SERPINF2: variants seen among roughly 807,000 people sequenced by gnomAD.
The protein encoded by SERPINF2 is serpin family F member 2, also known as alpha-2-antiplasmin.
In SERPINF2, 15 loss-of-function variants were observed where a neutral mutation model predicts 45.0. The observed-to-expected ratio is 0.33, with a 90% confidence interval of 0.22 to 0.51. The LOEUF is 0.51. Ranked by LOEUF, SERPINF2 falls within the 20% of genes least tolerant of loss-of-function variation. SERPINF2 has a pLI of 0.97. For missense variants in SERPINF2, 518 were observed against 637.4 expected (o/e 0.81, Z 2.02); for synonymous variants, 283 against 277.9 (o/e 1.02, Z -0.18).
At chr17:1,746,482 A>G (rs1265191883) in intron 5 of SERPINF2, among the ~76,000 whole-genome samples, 1 of 145,834 alleles carries the variant, frequency 6.9e-6, no homozygotes, top group Non-Finnish European at 1.5e-5. Context: ...GCTAGAGTGC[A>G]GTGGTGTGAT....
rs1352725855 is a variant in SERPINF2, at chr17:1,745,386, G to A, written c.156G>A (p.Leu52=). ...EQVSPLTLLK[L]GNQEPGGQTA... ...TGTCCCCACTTACCCTCCTCAAGTTGGGCAACCAGGTACAACCAGGTGGGG... is the reference window on the plus strand; with the variant it reads ...TGTCCCCACTTACCCTCCTCAAGTTAGGCAACCAGGTACAACCAGGTGGGG... The change falls in exon 4 of 10, where the codon TTG becomes TTA. Residue 52 remains leucine (L), a synonymous_variant. Coordinates refer to ENST00000453066, the MANE Select transcript of SERPINF2 (RefSeq NM_000934.4). The surrounding 1 kb of genome is among the most constrained non-coding windows in gnomAD (Gnocchi z 6.2). 1.9e-6 allele frequency: 3 copies of A among 1,612,524 alleles called. No homozygotes were observed. Among genetic ancestry groups the A allele is most frequent in the South Asian group, 1.1e-5 (1 of 91,036 alleles).
intron 1 of SERPINF2, 179 bp from the exon 2 acceptor site, chr17:1,744,813 C>T: frequency 4.1e-6 from 4 of 985,438 alleles, no homozygotes; most frequent in Non-Finnish European, 4.8e-6. Context: ...GCGGATGTCC[C>T]AGCTGCAGGA....
Position 1,743,100 on chromosome 17 carries a change from G to GGGCTCTT in SERPINF2, c.-5+194_-5+200dup, listed in dbSNP as rs1333332278. 3.7e-4 allele frequency: 365 copies of GGGCTCTT among 985,346 alleles called. 1 individual carries two copies. The highest frequency in any genetic ancestry group is 3.1e-3 in the Middle Eastern group (6 of 1,914). The allele number at this position is 985,346 out of a possible 1,614,324, so 61.0% of individuals were successfully genotyped here. A position where few individuals can be genotyped will look rare whatever the true frequency, so the allele number is the denominator to read the frequency against. On this transcript the variant is annotated intron_variant, in intron 1 of 9. Transcript: ENST00000453066. ...AGGTCGGAGTCGGGGCCCTGGCCAA[G>GGGCTCTT]GGCTCTTGTGTGGGATGGGGGTGGG... is the stretch of plus-strand genomic sequence containing the variant.
In SERPINF2 at chr17:1,752,882, G is replaced by C. The variant is rs1446404551; in HGVS notation, c.1063+92G>C. On this transcript the variant is annotated intron_variant, in intron 9 of 9. Coordinates refer to ENST00000453066, the MANE Select transcript of SERPINF2 (RefSeq NM_000934.4). The stretch of plus-strand genomic sequence containing the variant: ...TGGCTGGCAGTGGAGCTGAGTCAGA[G>C]CTGTCCTGTGTCCTGCTCTTTTCCA... 29 of 1,123,368 alleles carry C rather than the reference G, an allele frequency of 2.6e-5. No individual in the cohort carries two copies. The Admixed American group carries it at 6.0e-4, about 23-fold the overall frequency. The allele number at this position is 1,123,368 out of a possible 1,614,324, so 69.6% of individuals were successfully genotyped here.
chr17:1,745,156 C>A lies in SERPINF2; in HGVS notation c.64-19C>A. On this transcript the variant is annotated intron_variant, in intron 2 of 9. Coordinates refer to ENST00000453066, the MANE Select transcript of SERPINF2 (RefSeq NM_000934.4). This position sits in a 1 kb window ranked among gnomAD's most constrained non-coding sequence, Gnocchi z 6.2. ...CTTGGCTCCGAGGGGACCTCCTATC[C>A]TCATCCCTTTCTCCACAGTTCTCCC... The A allele has an allele frequency of 6.3e-7, 1 of 1,579,334 alleles. No homozygotes were observed. Among genetic ancestry groups the A allele is most frequent in the East Asian group, 2.3e-5 (1 of 42,870 alleles).
At position 1,745,769 on chromosome 17, in the gene SERPINF2, C is replaced by A; in HGVS notation, c.227C>A (p.Pro76Gln). Reference sequence around the variant, plus strand: ...GGAGTCTGCAGCAGAGACCCCACCCCAGAGCAGACCCACAGGCTGGCCCGG... The same window carrying A: ...GGAGTCTGCAGCAGAGACCCCACCCAAGAGCAGACCCACAGGCTGGCCCGG... ...PPGVCSRDPT[P>Q]EQTHRLARAM... Residue 76 changes from proline to glutamine, a missense_variant, in exon 5 of 10, where the codon CCA becomes CAA. By Grantham distance (76) the Pro-to-Gln change is moderately conservative. This residue lies in a region of SERPINF2 where 435 missense variants were observed against 577.3 expected (regional missense o/e 0.75). Coordinates refer to ENST00000453066, the MANE Select transcript of SERPINF2 (RefSeq NM_000934.4). This position sits in a 1 kb window ranked among gnomAD's most constrained non-coding sequence, Gnocchi z 6.2. 6.2e-7 allele frequency: 1 copy of A among 1,614,026 alleles called. No homozygotes were observed.
At position 1,748,704 on chromosome 17, in the gene SERPINF2, G is replaced by A. The variant is rs138580692; in HGVS notation, c.822G>A (p.Pro274=). 5.6e-5 allele frequency: 87 copies of A among 1,559,584 alleles called. No individual in the cohort carries two copies. Among genetic ancestry groups the A allele is most frequent in the African/African-American group, 9.5e-5 (7 of 73,878 alleles). ...AAATGATGCAGGCCCGCACGTACCC[G>A]CTGCGCTGGTTCTTGCTGGAGCAGC... ...PVEMMQARTY[P]LRWFLLEQPE... The change falls in exon 8 of 10, where the codon CCG becomes CCA. Residue 274 remains proline (P), a synonymous_variant. Transcript: ENST00000453066.
rs373345351 is a variant in SERPINF2, at chr17:1,748,492, C to T, written c.716-106C>T. On this transcript the variant is annotated intron_variant, in intron 7 of 9. Transcript: ENST00000453066. ...AATGGATTCTGGGTGGGACAGGCAA[C>T]GGGCTGGGGGTGCAGAGCCCAAGCT... 3.4e-3 allele frequency: 4,968 copies of T among 1,466,306 alleles called. 19 individuals are homozygous for T. The highest frequency in any genetic ancestry group is 6.2e-3 in the Middle Eastern group (36 of 5,764). 90.8% of individuals were successfully genotyped at this position (1,466,306 alleles called of 1,614,324 possible).
rs1033564068 is a variant in SERPINF2, at chr17:1,754,938, G to C, written c.*404G>C. The C allele has an allele frequency of 1.6e-5, 4 of 249,136 alleles. No individual in the cohort carries two copies. The highest frequency in any genetic ancestry group is 3.1e-5 in the Non-Finnish European group (4 of 129,712). The allele number at this position is 249,136 out of a possible 1,614,324, so 15.4% of individuals were successfully genotyped here. On this transcript the variant is annotated 3_prime_UTR_variant, in exon 10 of 10. Transcript: ENST00000453066. The stretch of plus-strand genomic sequence containing the variant: ...GTCCCGGGACACCTAGGCTAGGGTG[G>C]GGAGAGACGGGCCCTGGTGGTGGCT...
chr17:1,747,289 C>T lies in SERPINF2; in HGVS notation c.512-20C>T, dbSNP rs1905926356. The T allele has an allele frequency of 2.5e-6, 4 of 1,613,106 alleles. No homozygotes were observed. Among genetic ancestry groups the T allele is most frequent in the African/African-American group, 1.3e-5 (1 of 74,938 alleles). On this transcript the variant is annotated intron_variant, in intron 6 of 9. Transcript: ENST00000453066. ...GTGGAGCCTGGAGCCCTGGGAACAG[C>T]TTGTGCTGCCTCCGTGCAGGATTTC...
chr17:1,749,973 A>T (rs1597329830), intron 8 of SERPINF2, among the ~76,000 whole-genome samples: 1 of 143,158 alleles, frequency 7.0e-6, no homozygotes, highest in African/African-American at 2.6e-5. Context: ...GATTGGATAA[A>T]CTTCTTTTTT....
At position 1,745,216 on chromosome 17, in the gene SERPINF2, A is replaced by T; in HGVS notation, c.102+3A>T. On this transcript the variant is annotated splice_donor_region_variant and intron_variant, in intron 3 of 9. Coordinates refer to ENST00000453066, the MANE Select transcript of SERPINF2 (RefSeq NM_000934.4). This position sits in a 1 kb window ranked among gnomAD's most constrained non-coding sequence, Gnocchi z 6.2. ...CCATGGAGCCCTTGGGCCGGCAGGT[A>T]CTGGGGAGTGAGGAGCCTGTGATGG... 6.5e-7 allele frequency: 1 copy of T among 1,530,554 alleles called. No individual in the cohort carries two copies. Among genetic ancestry groups the T allele is most frequent in the South Asian group, 1.2e-5 (1 of 85,952 alleles). The allele number at this position is 1,530,554 out of a possible 1,614,324, so 94.8% of individuals were successfully genotyped here.
In SERPINF2 at chr17:1,747,168, C is replaced by A. The variant is rs541869226; in HGVS notation, c.511+6C>A. 1.7e-5 allele frequency: 28 copies of A among 1,611,954 alleles called. No homozygotes were observed. The Admixed American group carries it at 4.2e-4, about 24-fold the overall frequency. On this transcript the variant is annotated splice_donor_region_variant and intron_variant, in intron 6 of 9. Transcript: ENST00000453066. ...CAGGATGTACCTGCAGAAAGGTAGG[C>A]GCTGATGGCAGGGAGCTCCCTCAGT... is the stretch of plus-strand genomic sequence containing the variant.
At chr17:1,747,191 A>G (rs1664650608) in intron 6 of SERPINF2, 29 bp downstream of exon 6, 3 of 1,611,764 alleles carry the variant, frequency 1.9e-6, no homozygotes, top group South Asian at 1.1e-5. Flanking sequence ...GAGCTCCCTC[A>G]GTCCTGCCCT....
intron 1 of SERPINF2, 70 bp from the exon 2 acceptor site, chr17:1,744,922 C>T (rs914737056): frequency 4.3e-5 from 70 of 1,609,354 alleles, no homozygotes; most frequent in East Asian, 6.7e-5. Flanking sequence ...TATCTGTGAT[C>T]GCGTGGGTAG....
At chr17:1,753,635 G>A (rs1203708017) in intron 9 of SERPINF2, among the ~76,000 whole-genome samples, 1 of 152,088 alleles carries the variant, frequency 6.6e-6, no homozygotes, top group Non-Finnish European at 1.5e-5. Context: ...GCAGTGAGCC[G>A]AGATCACGCC....
Position 1,745,984 on chromosome 17 carries a change from C to A in SERPINF2, c.367+75C>A, listed in dbSNP as rs540536303. 2 of 1,509,226 alleles carry A rather than the reference C, an allele frequency of 1.3e-6. No homozygotes were observed. Among genetic ancestry groups the A allele is most frequent in the East Asian group, 2.3e-5 (1 of 44,340 alleles). The allele number at this position is 1,509,226 out of a possible 1,614,324, so 93.5% of individuals were successfully genotyped here. On this transcript the variant is annotated intron_variant, in intron 5 of 9. Transcript: ENST00000453066. This position sits in a 1 kb window ranked among gnomAD's most constrained non-coding sequence, Gnocchi z 6.2. ...AACTCAGTACTCCAATGGTTCTCCG[C>A]GGGCGGTTCCTCCACCAGGGTCACG...
chr17:1,752,456 G>A, intron 8 of SERPINF2, 130 bp from the exon 9 acceptor site: 10 of 791,962 alleles, frequency 1.3e-5, no homozygotes, highest in Non-Finnish European at 2.0e-5. Flanking sequence ...TGGAGGAGCA[G>A]TGGGGTCAGT....
chr17:1,752,469 C>T, intron 8 of SERPINF2, 117 bp from the exon 9 acceptor site: 1 of 886,306 alleles, frequency 1.1e-6, no homozygotes, highest in Non-Finnish European at 1.9e-6. Flanking sequence ...GGGTCAGTCA[C>T]ACGCCTGGCA....
Sources: allele counts gnomAD v4.1 joint callset (sites outside exome capture counted in the v4.1 genomes callset), GRCh38; gene constraint gnomAD v4.1.1; regional missense constraint gnomAD v4.1.1; non-coding constraint Gnocchi (gnomAD v3.1); transcripts MANE v1.5; gene names NCBI Gene and HGNC (gene_info 2026-07-23, HGNC 2026-07-21).